ATM: variants seen among roughly 807,000 people sequenced by gnomAD.
The protein encoded by ATM is serine-protein kinase ATM.
ATM carries 308 observed loss-of-function variants against 387.0 expected under a neutral mutation model. That is an observed-to-expected ratio of 0.80 (90% CI 0.73 to 0.87). ATM has a LOEUF of 0.87. ATM is among the 40% of genes least tolerant of loss of function. The probability of loss-of-function intolerance (pLI) is 0.00; values close to 1 mark genes in which losing one functional copy is unlikely to be tolerated. For missense variants in ATM, 3,312 were observed against 3,560.9 expected, an observed-to-expected ratio of 0.93 and a Z score of 1.78; for synonymous variants, 1,156 against 1,187.3, an observed-to-expected ratio of 0.97 and a Z score of 0.54.
intron 56 of ATM, among the ~76,000 whole-genome samples, chr11:108,342,201 C>A (rs190028946): frequency 2.0e-5 from 3 of 152,238 alleles, no homozygotes; most frequent in East Asian, 3.9e-4. Context: ...AGATTGGACA[C>A]CCCTGCCTAG....
chr11:108,251,515 C>T (rs928390333), intron 10 of ATM, among the ~76,000 whole-genome samples: 17 of 152,116 alleles, frequency 1.1e-4, no homozygotes, highest in South Asian at 2.1e-4. Context: ...ACTGATGTAT[C>T]GGACACCAGG....
In ATM at chr11:108,307,993, A is replaced by G. The variant is rs1565486371; in HGVS notation, c.5762+9A>G. 6.3e-7 allele frequency: 1 copy of G among 1,599,676 alleles called. No homozygotes were observed. The highest frequency in any genetic ancestry group is 8.6e-7 in the Non-Finnish European group (1 of 1,167,122). ...ATGAGAAGACAAAAGAGGTAATGTAATGAGTGTTGCTTCTTACGTTTAGGA... is the reference window on the plus strand; with the variant it reads ...ATGAGAAGACAAAAGAGGTAATGTAGTGAGTGTTGCTTCTTACGTTTAGGA... On this transcript the variant is annotated intron_variant, in intron 38 of 62. Transcript: ENST00000675843.
chr11:108,330,472 A>G (rs2136469248), intron 50 of ATM, 51 bp downstream of exon 50: 1 of 1,573,796 alleles, frequency 6.4e-7, no homozygotes, highest in Non-Finnish European at 8.7e-7. Context: ...AAACTTAGAC[A>G]TAAGCCCCTT....
intron 59 of ATM, among the ~76,000 whole-genome samples, chr11:108,349,871 A>G (rs2088971572): frequency 6.6e-6 from 1 of 152,218 alleles, no homozygotes; most frequent in Admixed American, 6.5e-5. Flanking sequence ...GTCTGATAGC[A>G]TTGGCTTTAG....
intron 40 of ATM, among the ~76,000 whole-genome samples, chr11:108,315,516 T>C (rs1181742557): frequency 6.6e-6 from 1 of 152,150 alleles, no homozygotes; most frequent in East Asian, 1.9e-4. Context: ...GACATAACTT[T>C]TAAAAAATTT....
chr11:108,314,115 GTTTT>G (rs1362785249), intron 40 of ATM, among the ~76,000 whole-genome samples: 1 of 151,688 alleles, frequency 6.6e-6, no homozygotes, highest in Non-Finnish European at 1.5e-5. Context: ...CTAATGTACA[GTTTT>G]TTTGTTTTTT....
At chr11:108,345,514 AAC>A (rs1187434521) in intron 57 of ATM, among the ~76,000 whole-genome samples, 1 of 152,186 alleles carries the variant, frequency 6.6e-6, no homozygotes, top group East Asian at 1.9e-4. Context: ...CAAAACAAGT[AAC>A]AGTCACTGTA....
intron 61 of ATM, among the ~76,000 whole-genome samples, chr11:108,363,445 A>C (rs758470792): frequency 1.3e-5 from 2 of 152,154 alleles, no homozygotes; most frequent in Admixed American, 6.5e-5. Flanking sequence ...AAGGAAATAT[A>C]TCTCTCCCTC....
chr11:108,267,375 T>C (rs762913965), intron 17 of ATM, 33 bp downstream of exon 17: 2 of 1,601,108 alleles, frequency 1.2e-6, no homozygotes, highest in Non-Finnish European at 1.7e-6. Flanking sequence ...GGATTTCTTT[T>C]ACTTCTTTAT....
At position 108,302,942 on chromosome 11, in the gene ATM, C is replaced by T. The variant is rs1555106462; in HGVS notation, c.5409C>T (p.Asp1803=). 3 of 1,613,288 alleles carry T rather than the reference C, an allele frequency of 1.9e-6. No homozygotes were observed. The highest frequency in any genetic ancestry group is 4.5e-5 in the East Asian group (2 of 44,820). The part of the protein sequence containing the change: ...NLWIPLSENH[D]IWIKTLTCAF... ...GGATTCCTCTAAGTGAAAATCATGA[C>T]ATTTGGATAAAGACACTGACTTGTG... is the stretch of plus-strand genomic sequence containing the variant. The change falls in exon 36 of 63, where the codon GAC becomes GAT. Residue 1803 remains aspartate, a synonymous_variant. Transcript: ENST00000675843.
At chr11:108,263,688 A>G (rs1362438580) in intron 16 of ATM, among the ~76,000 whole-genome samples, 1 of 149,092 alleles carries the variant, frequency 6.7e-6, no homozygotes, top group Non-Finnish European at 1.5e-5. Flanking sequence ...TAATGAATCC[A>G]GGAGCTGGTT....
Position 108,326,177 on chromosome 11 carries a change from G to C in ATM, c.6927G>C (p.Leu2309=), listed in dbSNP as rs876660429. The change falls in exon 47 of 63, where the codon CTG becomes CTC. Residue 2309 remains leucine, a synonymous_variant. Coordinates refer to ENST00000675843, the MANE Select transcript of ATM (RefSeq NM_000051.4). ...CAAAAAAGGAGCAGAGTCTTGCCCT[G>C]AGTATTCTCAAGCAAATGATCAAGA... ...FWAKKEQSLA[L]SILKQMIKKL... 1 of 1,614,178 alleles carries C rather than the reference G, an allele frequency of 6.2e-7. No individual in the cohort carries two copies. Among genetic ancestry groups the C allele is most frequent in the Non-Finnish European group, 8.5e-7 (1 of 1,180,028 alleles).
At chr11:108,314,319 C>T (rs1006945522) in intron 40 of ATM, among the ~76,000 whole-genome samples, 1 of 151,952 alleles carries the variant, frequency 6.6e-6, no homozygotes, top group Admixed American at 6.6e-5. Flanking sequence ...TTGCCCAGGC[C>T]GATCTTGAAT....
chr11:108,351,047 G>A (rs371601312), intron 59 of ATM, among the ~76,000 whole-genome samples: 2 of 152,042 alleles, frequency 1.3e-5, no homozygotes, highest in Non-Finnish European at 2.9e-5. Context: ...ACAAATTGTC[G>A]TATATTTATA....
At chr11:108,292,859 G>A (rs1168081066) in intron 30 of ATM, 66 bp downstream of exon 30, 6 of 1,554,198 alleles carry the variant, frequency 3.9e-6, no homozygotes, top group African/African-American at 1.4e-5. Flanking sequence ...AAGGATTTGA[G>A]TGTTTTATGT....
intron 37 of ATM, among the ~76,000 whole-genome samples, chr11:108,305,441 A>G (rs550429221): frequency 3.3e-5 from 5 of 152,170 alleles, no homozygotes; most frequent in African/African-American, 1.2e-4. Flanking sequence ...TTAGCCGGGC[A>G]TGGTGGCAGG....
At chr11:108,322,481 TAA>T (rs2085308645) in intron 45 of ATM, among the ~76,000 whole-genome samples, 1 of 152,210 alleles carries the variant, frequency 6.6e-6, no homozygotes, top group Admixed American at 6.5e-5. Flanking sequence ...TGGTGACTGA[TAA>T]TTATGTTTAG....
In ATM at chr11:108,257,612, A is replaced by C. The variant is rs1409294054; in HGVS notation, c.2376+6A>C. On this transcript the variant is annotated splice_donor_region_variant and intron_variant, in intron 15 of 62. Coordinates refer to ENST00000675843, the MANE Select transcript of ATM (RefSeq NM_000051.4). ...GCTTGAGCAACTGTACCAAGGTAAG[A>C]TTTTCTTCTTCTTGTTTTGTTTTTT... 1.9e-6 allele frequency: 3 copies of C among 1,612,722 alleles called. No individual in the cohort carries two copies. The highest frequency in any genetic ancestry group is 2.5e-6 in the Non-Finnish European group (3 of 1,179,836).
At chr11:108,269,750 A>G (rs2081470917) in intron 18 of ATM, among the ~76,000 whole-genome samples, 1 of 152,158 alleles carries the variant, frequency 6.6e-6, no homozygotes. Context: ...CTCTGATCAC[A>G]GTAAATTGTA....
Sources: gnomAD v4.1 joint callset for allele counts (sites outside exome capture counted in the v4.1 genomes callset) on GRCh38, gnomAD v4.1.1 for gene constraint, MANE v1.5 for transcripts, NCBI Gene and HGNC (gene_info 2026-07-23, HGNC 2026-07-21) for gene names.